The following MACROD2 variants were observed in gnomAD, a reference collection of about 807,000 sequenced individuals.
The protein encoded by MACROD2 is ADP-ribose glycohydrolase MACROD2.
Under a neutral mutation model 70.4 loss-of-function variants are expected in MACROD2, and 36 were observed. That is an observed-to-expected ratio of 0.51 (90% CI 0.39 to 0.68). The LOEUF (loss-of-function observed/expected upper bound fraction) is 0.68, where lower values mean the gene tolerates loss of function less well. Among genes scored for constraint, MACROD2 ranks in the 30% least tolerant of loss-of-function variants. The pLI is 0.00. For synonymous variants in MACROD2, 172 were observed against 178.8 expected (o/e 0.96, Z 0.30); for missense variants, 496 against 538.4 (o/e 0.92, Z 0.78).
chr20:14,917,548 G>A (rs1175662759), intron 5 of MACROD2, among the ~76,000 whole-genome samples: 2 of 152,012 alleles, frequency 1.3e-5, no homozygotes, highest in African/African-American at 4.8e-5. Flanking sequence ...TGTTGTGGAA[G>A]CTCACCGGGA....
At chr20:15,221,624 T>C (rs1309608304) in intron 5 of MACROD2, among the ~76,000 whole-genome samples, 1 of 152,200 alleles carries the variant, frequency 6.6e-6, no homozygotes, top group Non-Finnish European at 1.5e-5. Flanking sequence ...AAGGTCAGTC[T>C]CAAATAGATT....
rs71190179 is a variant in MACROD2, at chr20:15,192,014, GTATCTATCTATCTATC to G, written c.419-37891_419-37876del. 4.1e-3 allele frequency among the ~76,000 whole-genome samples: 594 copies of G among 146,476 alleles called. 4 individuals carry two copies. The highest frequency in any genetic ancestry group is 0.014 in the Middle Eastern group (4 of 282). Reference sequence around the variant, plus strand: ...ACTATATGTGCCCTCTATTAACTATGTATCTATCTATCTATCTATCTATCTATCTATCTATCTATCT... The same window carrying G: ...ACTATATGTGCCCTCTATTAACTATGTATCTATCTATCTATCTATCTATCT... On this transcript the variant is annotated intron_variant, in intron 5 of 17. Coordinates refer to ENST00000684519, the MANE Select transcript of MACROD2 (RefSeq NM_001351661.2).
At chr20:14,001,718 G>A (rs2052735258) in intron 1 of MACROD2, among the ~76,000 whole-genome samples, 1 of 152,120 alleles carries the variant, frequency 6.6e-6, no homozygotes, top group African/African-American at 2.4e-5. Context: ...AGGGCAAGAT[G>A]AAGCGGAGGG....
At position 14,595,740 on chromosome 20, in the gene MACROD2, GCCTC is replaced by G. The variant is rs1982084274; in HGVS notation, c.302-89100_302-89097del. Among the ~76,000 whole-genome samples, 3 of 152,236 alleles carry G rather than the reference GCCTC, an allele frequency of 2.0e-5. No individual in the cohort carries two copies. In the South Asian group the frequency reaches 6.2e-4, roughly 32 times the overall value. On this transcript the variant is annotated intron_variant, in intron 4 of 17. Coordinates refer to ENST00000684519, the MANE Select transcript of MACROD2 (RefSeq NM_001351661.2). ...GGTTCTTACTACACATTGTCGAATT[GCCTC>G]CCATGTTTTGCCTACGTATATGCTG...
chr20:15,619,513 A>T (rs925086009), intron 8 of MACROD2: 2 of 345,286 alleles, frequency 5.8e-6, no homozygotes, highest in Non-Finnish European at 1.1e-5. Context: ...CTTGCTGGTG[A>T]TGAGTGAGGA....
intron 1 of MACROD2, among the ~76,000 whole-genome samples, chr20:14,000,542 C>G (rs964088203): frequency 1.3e-5 from 2 of 152,212 alleles, no homozygotes; most frequent in African/African-American, 4.8e-5. Context: ...TTGTGATACA[C>G]TGAAAGAGAA....
chr20:14,222,501 A>AG (rs1192600996), intron 3 of MACROD2, among the ~76,000 whole-genome samples: 1 of 152,122 alleles, frequency 6.6e-6, no homozygotes. Context: ...AGGGGATGGG[A>AG]GGAGGGTGGA....
chr20:14,814,921 T>TTGAATGAA (rs71190149), intron 5 of MACROD2, among the ~76,000 whole-genome samples: 1,811 of 150,906 alleles, frequency 0.012, 27 homozygotes, highest in Non-Finnish European at 0.018. Flanking sequence ...TGAACATTTA[T>TTGAATGAA]TGAATGAATG....
chr20:14,442,555 C>G (rs186037055), intron 3 of MACROD2, among the ~76,000 whole-genome samples: 13 of 152,176 alleles, frequency 8.5e-5, no homozygotes, highest in Non-Finnish European at 1.6e-4. Flanking sequence ...CTCTTCTTCT[C>G]TTTCTTTCTT....
At chr20:14,603,413 A>G (rs61542420) in intron 4 of MACROD2, among the ~76,000 whole-genome samples, 5,304 of 152,272 alleles carry the variant, frequency 0.035, 308 homozygotes, top group African/African-American at 0.12. Context: ...CATTCTTAAT[A>G]TCTCTGAAAA....
chr20:15,056,427 T>C (rs2075486383), intron 5 of MACROD2, among the ~76,000 whole-genome samples: 1 of 152,126 alleles, frequency 6.6e-6, no homozygotes. Flanking sequence ...GTTTTTTGAC[T>C]AAATGCTTCA....
At position 15,058,151 on chromosome 20, in the gene MACROD2, A is replaced by G. The variant is rs182110362; in HGVS notation, c.419-171789A>G. Among the ~76,000 whole-genome samples the G allele has an allele frequency of 4.5e-4, 69 of 152,144 alleles. No homozygotes were observed. The Middle Eastern group carries it at 0.01, about 22-fold the overall frequency. ...GTCTTTCTACTTTCTTTTTATACCA[A>G]CCATGTCTCCTCCATTAGCTTGAAA... On this transcript the variant is annotated intron_variant, in intron 5 of 17. Coordinates refer to ENST00000684519, the MANE Select transcript of MACROD2 (RefSeq NM_001351661.2).
chr20:15,350,923 A>G (rs546391237), intron 6 of MACROD2, among the ~76,000 whole-genome samples: 5 of 152,194 alleles, frequency 3.3e-5, no homozygotes, highest in Non-Finnish European at 7.3e-5. Context: ...CCAGAAATTT[A>G]TAATAATAGC....
At position 15,675,675 on chromosome 20, in the gene MACROD2, G is replaced by A. The variant is rs6110727; in HGVS notation, c.645+175828G>A. ...GAGTCTAAATGCAGTATATGACTAA[G>A]GCACTTTATTAAAAAAAGAGAAGAC... On this transcript the variant is annotated intron_variant, in intron 8 of 17. Coordinates refer to ENST00000684519, the MANE Select transcript of MACROD2 (RefSeq NM_001351661.2). Among the ~76,000 whole-genome samples, 348 of 152,154 alleles carry A rather than the reference G, an allele frequency of 2.3e-3. 4 individuals carry two copies. Among genetic ancestry groups the A allele is most frequent in the African/African-American group, 8.0e-3 (331 of 41,524 alleles).
chr20:15,319,728 A>T (rs778346989), intron 6 of MACROD2, among the ~76,000 whole-genome samples: 2 of 152,232 alleles, frequency 1.3e-5, no homozygotes, highest in African/African-American at 4.8e-5. Flanking sequence ...GTGGAAATGC[A>T]TGAATGGAGA....
At chr20:15,462,006 C>A (rs142339070) in intron 7 of MACROD2, among the ~76,000 whole-genome samples, 2,364 of 152,118 alleles carry the variant, frequency 0.016, 29 homozygotes, top group Middle Eastern at 0.024. Context: ...AACATACTCA[C>A]AACTGGTGGT....
intron 4 of MACROD2, chr20:14,566,608 G>T (rs985400183): frequency 2.0e-5 from 3 of 151,924 alleles, no homozygotes; most frequent in African/African-American, 7.2e-5. Flanking sequence ...TCTCCCTTCT[G>T]CTGAGAGTTT....
intron 4 of MACROD2, among the ~76,000 whole-genome samples, chr20:14,676,874 A>G (rs1297955864): frequency 1.3e-5 from 2 of 152,222 alleles, no homozygotes; most frequent in South Asian, 2.1e-4. Flanking sequence ...ATAAAAAACG[A>G]TAAAGGGGAT....
chr20:14,928,604 G>A (rs138478070), intron 5 of MACROD2, among the ~76,000 whole-genome samples: 235 of 152,222 alleles, frequency 1.5e-3, no homozygotes, highest in African/African-American at 5.3e-3. Context: ...CCTGCTGGAC[G>A]GGGAATGTTT....
Sources: gnomAD v4.1 joint callset for allele counts (sites outside exome capture counted in the v4.1 genomes callset) on GRCh38, gnomAD v4.1.1 for gene constraint, MANE v1.5 for transcripts, NCBI Gene and HGNC (gene_info 2026-07-23, HGNC 2026-07-21) for gene names.